Variants in MYO5B observed in about 807,000 individuals in gnomAD.
The protein encoded by MYO5B is unconventional myosin-Vb.
A neutral mutation model predicts 229.3 loss-of-function variants in MYO5B; 143 were observed. The observed-to-expected ratio is 0.62, with a 90% CI of 0.54 to 0.72. The LOEUF (loss-of-function observed/expected upper bound fraction) is 0.72. Among genes scored for constraint, MYO5B ranks in the 30% least tolerant of loss-of-function variants. The pLI, the probability that MYO5B is intolerant of heterozygous loss-of-function variation, is 0.00. For missense variants in MYO5B, 2,321 were observed against 2,331.0 expected (o/e 1.00, Z 0.09); for synonymous variants, 918 against 885.2 (o/e 1.04, Z -0.66).
chr18:50,167,555 A>G (rs1299212009), intron 1 of MYO5B, among the ~76,000 whole-genome samples: 1 of 152,234 alleles, frequency 6.6e-6, no homozygotes, highest in Non-Finnish European at 1.5e-5. Flanking sequence ...TATAAAAGAC[A>G]AATTGCTCTA....
At chr18:49,957,040 T>A (rs1448075267) in intron 12 of MYO5B, among the ~76,000 whole-genome samples, 1 of 150,238 alleles carries the variant, frequency 6.7e-6, no homozygotes, top group Non-Finnish European at 1.5e-5. Context: ...CCAAATTGTA[T>A]ACTTTAAATG....
chr18:49,912,939 A>G (rs2144162980), intron 17 of MYO5B, among the ~76,000 whole-genome samples: 1 of 152,366 alleles, frequency 6.6e-6, no homozygotes, highest in East Asian at 1.9e-4. Flanking sequence ...TAAATGCAGA[A>G]ATATGTACAT....
At chr18:50,069,760 A>G (rs560308848) in intron 1 of MYO5B, among the ~76,000 whole-genome samples, 2 of 152,260 alleles carry the variant, frequency 1.3e-5, no homozygotes, top group African/African-American at 4.8e-5. Flanking sequence ...AGATCCCTAA[A>G]AAAAACTGAA....
chr18:50,129,053 G>T (rs1178342388), intron 1 of MYO5B, among the ~76,000 whole-genome samples: 2 of 152,172 alleles, frequency 1.3e-5, no homozygotes, highest in Non-Finnish European at 2.9e-5. Context: ...AGGGCTGTCA[G>T]AGCCGGCTCA....
At chr18:49,848,544 T>C (rs1260343238) in intron 32 of MYO5B, among the ~76,000 whole-genome samples, 1 of 149,472 alleles carries the variant, frequency 6.7e-6, no homozygotes, top group Non-Finnish European at 1.5e-5. Context: ...AGACTAGGGC[T>C]GGGATTTCAT....
At chr18:50,140,091 A>G (rs2032395533) in intron 1 of MYO5B, among the ~76,000 whole-genome samples, 1 of 152,248 alleles carries the variant, frequency 6.6e-6, no homozygotes. Flanking sequence ...GAGTAGATGT[A>G]TAATTTTGCT....
At chr18:50,034,409 A>G (rs1486944381) in intron 4 of MYO5B, among the ~76,000 whole-genome samples, 1 of 152,240 alleles carries the variant, frequency 6.6e-6, no homozygotes, top group African/African-American at 2.4e-5. Context: ...ATCTCAGATC[A>G]GTAACAGAAA....
chr18:49,943,039 A>T (rs964657049), intron 14 of MYO5B, among the ~76,000 whole-genome samples: 3 of 152,176 alleles, frequency 2.0e-5, no homozygotes, highest in Non-Finnish European at 4.4e-5. Flanking sequence ...GCAGTCATAA[A>T]AAAATGATGA....
chr18:50,087,690 T>C (rs1568101517), intron 1 of MYO5B, among the ~76,000 whole-genome samples: 1 of 152,100 alleles, frequency 6.6e-6, no homozygotes, highest in African/African-American at 2.4e-5. Context: ...TAAATAAACA[T>C]GCAGAGGTAG....
At chr18:50,173,893 T>A (rs544477885) in intron 1 of MYO5B, among the ~76,000 whole-genome samples, 4 of 152,314 alleles carry the variant, frequency 2.6e-5, no homozygotes, top group Admixed American at 6.5e-5. Context: ...TGTGTCAAAC[T>A]GACTGAGCCA....
chr18:49,867,823 T>G (rs925253980), intron 27 of MYO5B, among the ~76,000 whole-genome samples: 5 of 152,176 alleles, frequency 3.3e-5, no homozygotes, highest in African/African-American at 1.2e-4. Context: ...GCTAAAGTTG[T>G]GAAAATGGCT....
chr18:49,984,956 TC>T (rs759369752), intron 7 of MYO5B, 131 bp from the exon 8 acceptor site: 5 of 718,384 alleles, frequency 7.0e-6, no homozygotes, highest in African/African-American at 1.7e-5. Flanking sequence ...GATGTGAAAC[TC>T]TTTAAAATAG....
At chr18:49,848,542 G>A (rs1415969883) in intron 32 of MYO5B, among the ~76,000 whole-genome samples, 1 of 150,468 alleles carries the variant, frequency 6.6e-6, no homozygotes, top group Non-Finnish European at 1.5e-5. Flanking sequence ...GCAGACTAGG[G>A]CTGGGATTTC....
At chr18:50,163,594 ATAC>A (rs1253101188) in intron 1 of MYO5B, among the ~76,000 whole-genome samples, 1 of 152,178 alleles carries the variant, frequency 6.6e-6, no homozygotes, top group African/African-American at 2.4e-5. Context: ...CAGGTGCTGG[ATAC>A]TGTGGGAAAT....
At chr18:50,048,613 T>C (rs1046818218) in intron 2 of MYO5B, among the ~76,000 whole-genome samples, 2 of 152,168 alleles carry the variant, frequency 1.3e-5, no homozygotes, top group African/African-American at 4.8e-5. Flanking sequence ...AGGGTCCCAC[T>C]GAACTGCAAG....
chr18:49,914,372 C>T (rs2024989783), intron 17 of MYO5B, among the ~76,000 whole-genome samples: 1 of 152,196 alleles, frequency 6.6e-6, no homozygotes, highest in Admixed American at 6.5e-5. Context: ...GTCTCATACT[C>T]AGGTAAACTC....
intron 32 of MYO5B, among the ~76,000 whole-genome samples, chr18:49,847,969 C>A (rs1000491600): frequency 2.0e-5 from 3 of 152,220 alleles, no homozygotes; most frequent in Middle Eastern, 3.2e-3. Flanking sequence ...GTTTCAGTGG[C>A]AGGGTTGAAG....
At chr18:50,047,470 A>G (rs9948407) in intron 2 of MYO5B, among the ~76,000 whole-genome samples, 1,840 of 151,732 alleles carry the variant, frequency 0.012, 29 homozygotes, top group African/African-American at 0.041. Context: ...GGAGAAATAG[A>G]AACACTTTTA....
intron 26 of MYO5B, among the ~76,000 whole-genome samples, chr18:49,875,253 G>C (rs963837416): frequency 6.6e-6 from 1 of 152,210 alleles, no homozygotes; most frequent in Non-Finnish European, 1.5e-5. Flanking sequence ...AGAGAGGAAA[G>C]TGAGTGACAC....
Sources: allele counts gnomAD v4.1 joint callset (sites outside exome capture counted in the v4.1 genomes callset), GRCh38; gene constraint gnomAD v4.1.1; transcripts MANE v1.5; gene names NCBI Gene and HGNC (gene_info 2026-07-23, HGNC 2026-07-21).